The following NAT1 variants were observed in gnomAD, a reference collection of about 807,000 sequenced individuals.
NAT1 encodes the protein arylamine N-acetyltransferase 1.
For missense variants in NAT1, 400 were observed against 339.2 expected, an observed-to-expected ratio of 1.18 and a Z score of -1.41; for synonymous variants, 144 against 122.6, an observed-to-expected ratio of 1.17 and a Z score of -1.16.
intron 1 of NAT1, among the ~76,000 whole-genome samples, chr8:18,214,257 T>G (rs775729497): frequency 3.9e-5 from 6 of 152,226 alleles, no homozygotes; most frequent in Non-Finnish European, 7.3e-5. Context: ...ACTTTTTGGT[T>G]TTCATATTCA....
chr8:18,187,892 C>T (rs1455396426), intron 2 of NAT1, among the ~76,000 whole-genome samples: 2 of 148,034 alleles, frequency 1.4e-5, no homozygotes, highest in Non-Finnish European at 3.0e-5. Flanking sequence ...TACTTTTAAT[C>T]CATTTATTCC....
chr8:18,177,420 T>C (rs1189021144), intron 2 of NAT1, among the ~76,000 whole-genome samples: 1 of 152,148 alleles, frequency 6.6e-6, no homozygotes, highest in Non-Finnish European at 1.5e-5. Flanking sequence ...TGTTTAAAAA[T>C]TGTAAAATTT....
At chr8:18,215,011 C>G (rs1804488326) in intron 1 of NAT1, among the ~76,000 whole-genome samples, 1 of 152,232 alleles carries the variant, frequency 6.6e-6, no homozygotes, top group African/African-American at 2.4e-5. Flanking sequence ...CCATGAAAGA[C>G]ATGATCTTGT....
At chr8:18,189,620 G>A (rs1802897686) in intron 2 of NAT1, among the ~76,000 whole-genome samples, 1 of 152,116 alleles carries the variant, frequency 6.6e-6, no homozygotes, top group Non-Finnish European at 1.5e-5. Context: ...TTTATAGGTA[G>A]AAGGCTTTTG....
chr8:18,216,648 A>C (rs1563190108), intron 1 of NAT1, among the ~76,000 whole-genome samples: 1 of 152,202 alleles, frequency 6.6e-6, no homozygotes, highest in Admixed American at 6.6e-5. Context: ...TCATCAGAAC[A>C]CAGTCATGAG....
At chr8:18,217,442 T>G (rs1804798252) in intron 1 of NAT1, among the ~76,000 whole-genome samples, 1 of 152,272 alleles carries the variant, frequency 6.6e-6, no homozygotes, top group Non-Finnish European at 1.5e-5. Flanking sequence ...AGGAAGATGC[T>G]GTGCCTGGAC....
At chr8:18,202,973 T>A (rs1392131105) in intron 2 of NAT1, among the ~76,000 whole-genome samples, 1 of 152,114 alleles carries the variant, frequency 6.6e-6, no homozygotes, top group Non-Finnish European at 1.5e-5. Context: ...TTTTACAGAG[T>A]ACTGATTGGT....
chr8:18,192,629 G>C (rs1402700142), intron 2 of NAT1, among the ~76,000 whole-genome samples: 5 of 152,182 alleles, frequency 3.3e-5, no homozygotes, highest in Admixed American at 6.5e-5. Flanking sequence ...AGAAAATGTG[G>C]CACATATACA....
At chr8:18,217,058 A>G (rs1804749462) in intron 1 of NAT1, 3 of 1,108,670 alleles carry the variant, frequency 2.7e-6, no homozygotes, top group East Asian at 2.6e-5. Flanking sequence ...CAACTTGTAG[A>G]TTGGGTGCTG....
At position 18,222,517 on chromosome 8, in the gene NAT1, G is replaced by T; in HGVS notation, c.470G>T (p.Gly157Val). The change falls in exon 3 of 3, where the codon GGA becomes GTA. Residue 157 changes from glycine to valine, a missense_variant. Transcript: ENST00000307719. ...PCVFRLTEEN[G>V]FWYLDQIRRE... is the part of the protein sequence containing the mutation. ...GTCTTCCGTTTGACGGAAGAGAATG[G>T]ATTCTGGTATCTAGACCAAATCAGA... The T allele has an allele frequency of 1.2e-6, 2 of 1,614,090 alleles. No homozygotes were observed. The highest frequency in any genetic ancestry group is 1.7e-6 in the Non-Finnish European group (2 of 1,179,992).
chr8:18,204,836 T>C (rs562296971), intron 2 of NAT1, among the ~76,000 whole-genome samples: 1 of 152,338 alleles, frequency 6.6e-6, no homozygotes, highest in Admixed American at 6.5e-5. Flanking sequence ...TATGAGGATG[T>C]TGTTTTAACT....
intron 2 of NAT1, among the ~76,000 whole-genome samples, chr8:18,190,132 A>C (rs1231884875): frequency 2.0e-5 from 3 of 152,178 alleles, no homozygotes; most frequent in East Asian, 1.9e-4. Flanking sequence ...TTTTAATTTA[A>C]TTCAGCTCTT....
chr8:18,181,537 C>A (rs1277465544), intron 2 of NAT1, among the ~76,000 whole-genome samples: 1 of 152,102 alleles, frequency 6.6e-6, no homozygotes, highest in Non-Finnish European at 1.5e-5. Flanking sequence ...TTCTTTCTTT[C>A]CAGTTGAGAT....
chr8:18,194,881 G>C (rs1187816861), intron 2 of NAT1, among the ~76,000 whole-genome samples: 1 of 151,932 alleles, frequency 6.6e-6, no homozygotes, highest in Non-Finnish European at 1.5e-5. Context: ...TCTCTTGTTG[G>C]ATTCATCGTC....
intron 1 of NAT1, among the ~76,000 whole-genome samples, chr8:18,211,608 C>T (rs551727636): frequency 2.0e-5 from 3 of 152,268 alleles, no homozygotes; most frequent in South Asian, 2.1e-4. Context: ...TGGCCCCAGT[C>T]GGCATTAAAT....
intron 2 of NAT1, among the ~76,000 whole-genome samples, chr8:18,194,662 A>C (rs1025132775): frequency 2.0e-5 from 3 of 152,056 alleles, no homozygotes; most frequent in Middle Eastern, 3.4e-3. Flanking sequence ...TCTACTAAAA[A>C]TACAAAAATT....
chr8:18,209,006 T>G (rs1803860193), upstream of NAT1, among the ~76,000 whole-genome samples: 1 of 152,072 alleles, frequency 6.6e-6, no homozygotes, highest in Non-Finnish European at 1.5e-5. Flanking sequence ...AGTTTGACAA[T>G]CAATAAAGGG....
chr8:18,199,353 G>A (rs1285235529), intron 2 of NAT1, among the ~76,000 whole-genome samples: 1 of 150,440 alleles, frequency 6.6e-6, no homozygotes, highest in Non-Finnish European at 1.5e-5. Context: ...TTTGTTTGGC[G>A]CCTTTCTTGT....
intron 2 of NAT1, among the ~76,000 whole-genome samples, chr8:18,187,517 G>T (rs905784808): frequency 2.6e-5 from 4 of 152,042 alleles, no homozygotes; most frequent in Non-Finnish European, 5.9e-5. Context: ...GGAATACTAC[G>T]CAGCCATAAA....
Sources: gnomAD v4.1 joint callset for allele counts (sites outside exome capture counted in the v4.1 genomes callset) on GRCh38, gnomAD v4.1.1 for gene constraint, MANE v1.5 for transcripts, NCBI Gene and HGNC (gene_info 2026-07-23, HGNC 2026-07-21) for gene names.